TMEM63B: variants seen among roughly 807,000 people sequenced by gnomAD.
The protein encoded by TMEM63B is mechanosensitive cation channel TMEM63B.
In TMEM63B, 23 loss-of-function variants were observed where a neutral mutation model predicts 102.6. That is an observed-to-expected ratio of 0.22 (90% CI 0.16 to 0.32). The LOEUF is 0.32. Ranked by LOEUF, TMEM63B falls within the 10% of genes least tolerant of loss-of-function variation. TMEM63B has a pLI of 1.00. For missense variants in TMEM63B, 628 were observed against 1,095.9 expected (o/e 0.57, Z 6.03); for synonymous variants, 444 against 437.0 (o/e 1.02, Z -0.20).
chr6:44,143,836 A>G (rs554028013), intron 10 of TMEM63B, among the ~76,000 whole-genome samples: 1 of 152,282 alleles, frequency 6.6e-6, no homozygotes, highest in Non-Finnish European at 1.5e-5. Flanking sequence ...TGGGATAGAC[A>G]GGGAGGGACT....
intron 11 of TMEM63B, 89 bp downstream of exon 11, chr6:44,147,016 G>T (rs1765555075): frequency 2.1e-6 from 3 of 1,417,658 alleles, no homozygotes; most frequent in South Asian, 2.3e-5. Flanking sequence ...TCCCCTTCTA[G>T]ATTTTTTCCT....
rs1582821748 is a variant in TMEM63B, at chr6:44,150,724, T to G, written c.1673+95T>G. ...GCCCCATGGGAGGGTGCAACAAAGC[T>G]TCCAACTCCTGGAGGGGGCAGAAGA... On this transcript the variant is annotated intron_variant, in intron 18 of 23. Coordinates refer to ENST00000323267, the MANE Select transcript of TMEM63B (RefSeq NM_018426.3). The surrounding 1 kb of genome is among the most constrained non-coding windows in gnomAD (Gnocchi z 4.7). The G allele has an allele frequency of 7.8e-7, 1 of 1,288,394 alleles. No homozygotes were observed. Among genetic ancestry groups the G allele is most frequent in the Non-Finnish European group, 1.1e-6 (1 of 898,550 alleles). 79.8% of individuals were successfully genotyped at this position (1,288,394 alleles called of 1,614,324 possible).
chr6:44,133,877 A>C (rs1247590217), intron 1 of TMEM63B, among the ~76,000 whole-genome samples: 1 of 152,262 alleles, frequency 6.6e-6, no homozygotes, highest in Non-Finnish European at 1.5e-5. Flanking sequence ...ATCCCTGTGC[A>C]AATAACTGGA....
At chr6:44,138,736 G>GTGCCCCCCCCCCCCCC (rs567563400) in intron 6 of TMEM63B, 1 of 276,128 alleles carries the variant, frequency 3.6e-6, no homozygotes, top group Admixed American at 5.3e-5. Context: ...CCCCCTGCCG[G>GTGCCCCCCCCCCCCCC]CCCCCCCGCT....
At chr6:44,154,661 C>G (rs1410679266) in intron 23 of TMEM63B, 31 bp from the exon 24 acceptor site, 1 of 1,518,402 alleles carries the variant, frequency 6.6e-7, no homozygotes, top group South Asian at 1.3e-5. Context: ...GGCAGCTGTT[C>G]ACCTTGCCCC....
At chr6:44,145,274 C>CA (rs34315211) in intron 10 of TMEM63B, among the ~76,000 whole-genome samples, 40,426 of 105,540 alleles carry the variant, frequency 0.38, 7,199 homozygotes, top group Middle Eastern at 0.46. Context: ...GACTCCGCCT[C>CA]AAAAAAAAAA....
upstream of TMEM63B, among the ~76,000 whole-genome samples, chr6:44,126,638 CAA>C (rs1169115655): frequency 6.6e-6 from 1 of 150,528 alleles, no homozygotes; most frequent in Non-Finnish European, 1.5e-5. Context: ...CTTACGGTGG[CAA>C]AGTTCATTTA....
chr6:44,139,638 G>T, intron 7 of TMEM63B, 29 bp downstream of exon 7: 1 of 1,614,172 alleles, frequency 6.2e-7, no homozygotes, highest in Non-Finnish European at 8.5e-7. Flanking sequence ...GGCTAGGGTG[G>T]AGAGAGGATG....
In TMEM63B at chr6:44,136,449, C is replaced by G; in HGVS notation, c.369+10C>G. The G allele has an allele frequency of 6.2e-7, 1 of 1,609,880 alleles. No individual in the cohort carries two copies. The highest frequency in any genetic ancestry group is 1.1e-5 in the South Asian group (1 of 90,758). The stretch of plus-strand genomic sequence containing the variant: ...TGACCAAAGGGACAATGTGAGTGCC[C>G]TCCCCCCAAACTTCTTAGTCCCCCA... On this transcript the variant is annotated intron_variant, in intron 5 of 23. Transcript: ENST00000323267.
chr6:44,143,607 T>C (rs1468231073), intron 10 of TMEM63B, among the ~76,000 whole-genome samples: 1 of 152,200 alleles, frequency 6.6e-6, no homozygotes, highest in African/African-American at 2.4e-5. Flanking sequence ...TACAAATATC[T>C]AGTGAGCACC....
chr6:44,145,469 G>A (rs1258893546), intron 10 of TMEM63B, among the ~76,000 whole-genome samples: 2 of 151,548 alleles, frequency 1.3e-5, no homozygotes, highest in Admixed American at 6.6e-5. Flanking sequence ...GCACACACCT[G>A]TAATCCCAGC....
In TMEM63B at chr6:44,148,395, C is replaced by T; in HGVS notation, c.1121+10C>T. 1.2e-6 allele frequency: 2 copies of T among 1,614,242 alleles called. No homozygotes were observed. The highest frequency in any genetic ancestry group is 8.5e-7 in the Non-Finnish European group (1 of 1,180,038). On this transcript the variant is annotated intron_variant, in intron 13 of 23. Coordinates refer to ENST00000323267, the MANE Select transcript of TMEM63B (RefSeq NM_018426.3). The surrounding 1 kb of genome is among the most constrained non-coding windows in gnomAD (Gnocchi z 5.1). ...AGACTATCACCGCCATGTGAGTCCC[C>T]AACTCGGCCCTCGGCCCTGAGCAGC...
chr6:44,144,438 C>G (rs1349155978), intron 10 of TMEM63B, among the ~76,000 whole-genome samples: 4 of 152,168 alleles, frequency 2.6e-5, no homozygotes, highest in East Asian at 3.9e-4. Context: ...GGAACAATAT[C>G]AGAGGAAAGG....
chr6:44,146,049 A>G (rs1287585000), intron 10 of TMEM63B, among the ~76,000 whole-genome samples: 1 of 152,168 alleles, frequency 6.6e-6, no homozygotes, highest in Admixed American at 6.5e-5. Flanking sequence ...GTCAGGATCA[A>G]TCTCTTGTCT....
In TMEM63B at chr6:44,136,365, C is replaced by T. The variant is rs934631039; in HGVS notation, c.295C>T (p.His99Tyr). 6.2e-7 allele frequency: 1 copy of T among 1,613,964 alleles called. No homozygotes were observed. ...CACCCCCAGTGTGGCTTCAGCTATG[C>T]ACGGGGACAGCCATGACCGGTATGA... is the stretch of plus-strand genomic sequence containing the variant. ...VEQEYVASAM[H>Y]GDSHDRYERL... The change falls in exon 5 of 24, where the codon CAC (histidine) becomes TAC (tyrosine). Residue 99 changes from histidine to tyrosine, a missense_variant. Around this residue, in one of 6 missense-constraint regions of TMEM63B, gnomAD observed 336 missense variants for 580.3 expected, o/e 0.58. Transcript: ENST00000323267.
In TMEM63B at chr6:44,135,457, T is replaced by C. The variant is rs990287867; in HGVS notation, c.278+91T>C. On this transcript the variant is annotated intron_variant, in intron 4 of 23. Transcript: ENST00000323267. ...TCTTCTCTTCCTGCCAAGTTGCTGGTTTCTTTTTGCAGTTTTCTCCTCTGC... is the reference window on the plus strand; with the variant it reads ...TCTTCTCTTCCTGCCAAGTTGCTGGCTTCTTTTTGCAGTTTTCTCCTCTGC... 7 of 1,491,156 alleles carry C rather than the reference T, an allele frequency of 4.7e-6. No homozygotes were observed. The African/African-American group carries it at 5.6e-5, about 12-fold the overall frequency. 92.4% of individuals were successfully genotyped at this position (1,491,156 alleles called of 1,614,324 possible). A position where few individuals can be genotyped will look rare whatever the true frequency, so the allele number is the denominator to read the frequency against.
Position 44,148,124 on chromosome 6 carries a change from A to C in TMEM63B, c.988-128A>C. On this transcript the variant is annotated intron_variant, in intron 12 of 23. Transcript: ENST00000323267. This position sits in a 1 kb window ranked among gnomAD's most constrained non-coding sequence, Gnocchi z 5.1. The stretch of plus-strand genomic sequence containing the variant: ...GGCATCAGAGCGAGACGCTGTTTCC[A>C]AAAAAAAAAAAATGCTTAGAGGAGC... 1.3e-5 allele frequency: 4 copies of C among 297,726 alleles called. No individual in the cohort carries two copies. Among genetic ancestry groups the C allele is most frequent in the Non-Finnish European group, 2.2e-5 (4 of 178,338 alleles). 18.4% of individuals were successfully genotyped at this position (297,726 alleles called of 1,614,324 possible).
intron 1 of TMEM63B, among the ~76,000 whole-genome samples, chr6:44,130,935 T>G (rs55862642): frequency 0.14 from 21,487 of 150,022 alleles, 1,652 homozygotes; most frequent in Middle Eastern, 0.21. Flanking sequence ...CTTTTTTTTT[T>G]GAGATGGAGT....
chr6:44,129,403 A>T (rs912524909), intron 1 of TMEM63B, among the ~76,000 whole-genome samples: 21 of 152,212 alleles, frequency 1.4e-4, no homozygotes, highest in African/African-American at 5.1e-4. Context: ...AAAAAGAAAA[A>T]AAGTGTGGTT....
Sources: allele counts gnomAD v4.1 joint callset (sites outside exome capture counted in the v4.1 genomes callset), GRCh38; gene constraint gnomAD v4.1.1; regional missense constraint gnomAD v4.1.1; non-coding constraint Gnocchi (gnomAD v3.1); transcripts MANE v1.5; gene names NCBI Gene and HGNC (gene_info 2026-07-23, HGNC 2026-07-21).